KDM5A: variants seen among roughly 807,000 people sequenced by gnomAD.
KDM5A encodes lysine-specific demethylase 5A.
A neutral mutation model predicts 193.5 loss-of-function variants in KDM5A; 42 were observed. That is an observed-to-expected ratio of 0.22 (90% CI 0.17 to 0.28). The LOEUF is 0.28. KDM5A is among the 10% of genes least tolerant of loss of function. KDM5A has a pLI of 1.00. For missense variants in KDM5A, 1,692 were observed against 2,055.1 expected, an observed-to-expected ratio of 0.82 and a Z score of 3.42; for synonymous variants, 796 against 718.1, an observed-to-expected ratio of 1.11 and a Z score of -1.73.
At chr12:314,706 G>A (rs1364898622) in intron 19 of KDM5A, among the ~76,000 whole-genome samples, 20 of 152,140 alleles carry the variant, frequency 1.3e-4, no homozygotes, top group Non-Finnish European at 1.9e-4. Context: ...GGGGCCAGGG[G>A]CAGGGTAGGG....
intron 1 of KDM5A, chr12:388,448 A>G: frequency 2.5e-6 from 1 of 393,174 alleles, no homozygotes; most frequent in Non-Finnish European, 5.0e-6. Context: ...GGCAATAATT[A>G]GTCTGGAGTT....
At position 309,751 on chromosome 12, in the gene KDM5A, T is replaced by C. The variant is rs1032280825; in HGVS notation, c.3378+52A>G. On this transcript the variant is annotated intron_variant, in intron 22 of 27. Coordinates refer to ENST00000399788, the MANE Select transcript of KDM5A (RefSeq NM_001042603.3). Reference sequence around the variant, plus strand: ...AAAACTGTGAGTCTGCTAATATCTCTACAGAGTTTTGTATTCACCAAGCAA... The same window carrying C: ...AAAACTGTGAGTCTGCTAATATCTCCACAGAGTTTTGTATTCACCAAGCAA... 1.3e-5 allele frequency: 20 copies of C among 1,585,116 alleles called. No individual in the cohort carries two copies. In the African/African-American group the frequency reaches 1.9e-4, roughly 15 times the overall value.
rs60377454 is a variant in KDM5A at position 323,210 on chromosome 12, C to CA, written c.2151-5dup. 0.023 allele frequency: 6,922 copies of CA among 295,472 alleles called. 277 individuals carry two copies. The highest frequency in any genetic ancestry group is 0.038 in the Admixed American group (301 of 7,846). 18.3% of individuals were successfully genotyped at this position (295,472 alleles called of 1,614,324 possible). A position where few individuals can be genotyped will look rare whatever the true frequency, so the allele number is the denominator to read the frequency against. On this transcript the variant is annotated splice_region_variant and splice_polypyrimidine_tract_variant and intron_variant, in intron 15 of 27. Transcript: ENST00000399788. ...GTCTTCTAATGGGTAGCGATATCTA[C>CA]AAAAAAAAAAAAAAAAAAAAAAAAA... is the stretch of plus-strand genomic sequence containing the variant.
chr12:342,153 A>G (rs1290721233), intron 10 of KDM5A, among the ~76,000 whole-genome samples: 1 of 152,216 alleles, frequency 6.6e-6, no homozygotes, highest in African/African-American at 2.4e-5. Flanking sequence ...CACCAAGCAA[A>G]CAGTAACCAT....
chr12:371,886 T>C (rs1425215369), intron 3 of KDM5A, among the ~76,000 whole-genome samples: 1 of 152,190 alleles, frequency 6.6e-6, no homozygotes, highest in Non-Finnish European at 1.5e-5. Context: ...TTTTGTCAGG[T>C]TTGTCAAAGA....
Position 307,105 on chromosome 12 carries a change from T to C in KDM5A, c.3931-16A>G. On this transcript the variant is annotated splice_polypyrimidine_tract_variant and intron_variant, in intron 23 of 27. Coordinates refer to ENST00000399788, the MANE Select transcript of KDM5A (RefSeq NM_001042603.3). The surrounding 1 kb of genome is among the most constrained non-coding windows in gnomAD (Gnocchi z 4.3). ...GTAAGTGTCCCTAAACAACAAATAA[T>C]TCCAAGATGAACAGCAAGACATGCT... The C allele has an allele frequency of 6.2e-7, 1 of 1,614,016 alleles. No individual in the cohort carries two copies. Among genetic ancestry groups the C allele is most frequent in the Non-Finnish European group, 8.5e-7 (1 of 1,179,956 alleles).
chr12:297,334 G>T, intron 24 of KDM5A, 134 bp from the exon 25 acceptor site: 1 of 785,544 alleles, frequency 1.3e-6, no homozygotes, highest in Non-Finnish European at 2.1e-6. Context: ...AATATCTGAT[G>T]TTAAATAAGA....
At chr12:387,249 T>C in intron 1 of KDM5A, 1 of 367,372 alleles carries the variant, frequency 2.7e-6, no homozygotes, top group Non-Finnish European at 5.2e-6. Context: ...AAGTCTTACC[T>C]TGGAAACTGA....
intron 24 of KDM5A, among the ~76,000 whole-genome samples, chr12:299,530 A>G (rs1476036320): frequency 6.6e-6 from 1 of 152,196 alleles, no homozygotes; most frequent in Non-Finnish European, 1.5e-5. Flanking sequence ...CCTGCCTTAC[A>G]AGAGCTCCTG....
chr12:377,885 T>C (rs1944527519), intron 3 of KDM5A, among the ~76,000 whole-genome samples: 1 of 152,116 alleles, frequency 6.6e-6, no homozygotes, highest in Admixed American at 6.5e-5. Context: ...CCAGGAAGAA[T>C]GGCTCCAAGA....
intron 3 of KDM5A, among the ~76,000 whole-genome samples, chr12:368,148 T>C (rs564225823): frequency 6.6e-6 from 1 of 152,126 alleles, no homozygotes; most frequent in Non-Finnish European, 1.5e-5. Context: ...AAATATAAAA[T>C]AAGCCAGAGA....
rs539328898 is a variant in KDM5A, at chr12:340,802, T to C, written c.1309-6380A>G. 4.9e-4 allele frequency among the ~76,000 whole-genome samples: 74 copies of C among 151,724 alleles called. 1 individual carries two copies. The South Asian group carries it at 0.015, about 31-fold the overall frequency. The stretch of plus-strand genomic sequence containing the variant: ...AGCCACTAAGGTTAAAAGTAATATG[T>C]TACTCAACAACAGAAAACATCAAAG... On this transcript the variant is annotated intron_variant, in intron 10 of 27. Coordinates refer to ENST00000399788, the MANE Select transcript of KDM5A (RefSeq NM_001042603.3).
intron 4 of KDM5A, among the ~76,000 whole-genome samples, chr12:363,690 A>G (rs1377566691): frequency 6.6e-6 from 1 of 152,228 alleles, no homozygotes; most frequent in African/African-American, 2.4e-5. Context: ...ACATTAAAGC[A>G]AAGAAGAAAA....
At chr12:366,920 T>C (rs2137472341) in intron 3 of KDM5A, among the ~76,000 whole-genome samples, 1 of 152,318 alleles carries the variant, frequency 6.6e-6, no homozygotes, top group East Asian at 1.9e-4. Flanking sequence ...TACTGAACCT[T>C]TGTGTTTAGA....
At chr12:310,806 A>G (rs2137393880) in intron 21 of KDM5A, 79 bp downstream of exon 21, 1 of 1,445,538 alleles carries the variant, frequency 6.9e-7, no homozygotes, top group Non-Finnish European at 9.7e-7. Flanking sequence ...TGGTAATCAG[A>G]TAAACTGAAA....
Position 366,089 on chromosome 12 carries a change from C to T in KDM5A, c.382G>A (p.Gly128Arg). ...YALSKIVASK[G>R]GFEMVTKEKK... ...TCTTTGGTGACCATTTCAAAACCTC[C>T]TTTGCTGGCAACAATCTGAAAAGAA... Residue 128 changes from glycine to arginine, a missense_variant, in exon 4 of 28, where the codon GGA becomes AGA. Gly to Arg is a moderately radical substitution (Grantham distance 125, BLOSUM62 -2). Coordinates refer to ENST00000399788, the MANE Select transcript of KDM5A (RefSeq NM_001042603.3). 1 of 1,613,992 alleles carries T rather than the reference C, an allele frequency of 6.2e-7. No homozygotes were observed. The highest frequency in any genetic ancestry group is 8.5e-7 in the Non-Finnish European group (1 of 1,179,950).
chr12:333,786 T>TC lies in KDM5A; in HGVS notation c.1491-138dup. ...TATATGCCCTGAATTCTGGCAACCA[T>TC]CTTATAAACCTGTGCTGTTGTTCAC... is the stretch of plus-strand genomic sequence containing the variant. On this transcript the variant is annotated intron_variant, in intron 11 of 27. Coordinates refer to ENST00000399788, the MANE Select transcript of KDM5A (RefSeq NM_001042603.3). 4.8e-6 allele frequency: 4 copies of TC among 828,522 alleles called. No homozygotes were observed. The South Asian group carries it at 5.7e-5, about 12-fold the overall frequency. The allele number at this position is 828,522 out of a possible 1,614,324, so 51.3% of individuals were successfully genotyped here. A position where few individuals can be genotyped will look rare whatever the true frequency, so the allele number is the denominator to read the frequency against.
intron 3 of KDM5A, among the ~76,000 whole-genome samples, chr12:368,686 G>A (rs1944387796): frequency 6.6e-6 from 1 of 152,092 alleles, no homozygotes. Context: ...GAGCCAGATT[G>A]CACCACTGAA....
intron 19 of KDM5A, among the ~76,000 whole-genome samples, chr12:314,273 G>A (rs1047089632): frequency 6.6e-6 from 1 of 152,152 alleles, no homozygotes; most frequent in African/African-American, 2.4e-5. Context: ...TCAGCTCACT[G>A]CAACCGCTGC....
Sources: gnomAD v4.1 joint callset for allele counts (sites outside exome capture counted in the v4.1 genomes callset) on GRCh38, gnomAD v4.1.1 for gene constraint, Gnocchi (gnomAD v3.1) non-coding constraint, MANE v1.5 for transcripts, NCBI Gene and HGNC (gene_info 2026-07-23, HGNC 2026-07-21) for gene names.